SMAD1: variants seen among roughly 807,000 people sequenced by gnomAD.
SMAD1 encodes SMAD family member 1.
SMAD1 carries 6 observed loss-of-function variants against 41.6 expected under a neutral mutation model. That is an observed-to-expected ratio of 0.14 (90% CI 0.08 to 0.28). SMAD1 has a LOEUF of 0.28. Ranked by LOEUF, SMAD1 falls within the 10% of genes least tolerant of loss-of-function variation. The pLI is 1.00. For missense variants in SMAD1, 379 were observed against 582.6 expected (o/e 0.65, Z 3.60); for synonymous variants, 206 against 203.2 (o/e 1.01, Z -0.12).
intron 2 of SMAD1, among the ~76,000 whole-genome samples, chr4:145,524,187 T>C (rs2126457170): frequency 6.6e-6 from 1 of 152,334 alleles, no homozygotes; most frequent in South Asian, 2.1e-4. Context: ...TGGCTTATGG[T>C]TGATAATTTT....
chr4:145,555,208 G>A (rs183702737), intron 6 of SMAD1, among the ~76,000 whole-genome samples: 5 of 152,272 alleles, frequency 3.3e-5, no homozygotes, highest in African/African-American at 1.2e-4. Flanking sequence ...TATATGTTAT[G>A]TACATATGGG....
At position 145,539,968 on chromosome 4, in the gene SMAD1, A is replaced by T. The variant is rs1055612175; in HGVS notation, c.565A>T (p.Asn189Tyr). 1 of 1,613,962 alleles carries T rather than the reference A, an allele frequency of 6.2e-7. No individual in the cohort carries two copies. The highest frequency in any genetic ancestry group is 1.1e-5 in the South Asian group (1 of 91,072). The stretch of plus-strand genomic sequence containing the variant: ...CAGCCACCCGTTTCCTCACTCTCCC[A>T]ATAGCAGTTACCCAAACTCTCCTGG... ...PNSHPFPHSP[N>Y]SSYPNSPGSS... is the part of the protein sequence containing the mutation. Residue 189 changes from asparagine (N) to tyrosine (Y), a missense_variant, in exon 3 of 7, where the codon AAT becomes TAT. Transcript: ENST00000302085.
At chr4:145,513,282 T>A (rs1730190516) in intron 1 of SMAD1, 2 of 152,362 alleles carry the variant, frequency 1.3e-5, no homozygotes, top group Admixed American at 1.3e-4. Flanking sequence ...GGTTCCTCTT[T>A]GATGCCTTTA....
intron 5 of SMAD1, among the ~76,000 whole-genome samples, chr4:145,549,401 C>T (rs1466861384): frequency 6.6e-6 from 1 of 152,092 alleles, no homozygotes; most frequent in African/African-American, 2.4e-5. Flanking sequence ...ATAAAGATAC[C>T]TGTCTACTCA....
chr4:145,533,182 T>TA (rs1256169356), intron 2 of SMAD1, among the ~76,000 whole-genome samples: 4 of 151,720 alleles, frequency 2.6e-5, no homozygotes, highest in Non-Finnish European at 5.9e-5. Context: ...TCTGCCACAT[T>TA]AATACTTCTT....
chr4:145,491,721 G>A (rs1028275589), intron 1 of SMAD1, among the ~76,000 whole-genome samples: 5 of 152,140 alleles, frequency 3.3e-5, no homozygotes, highest in Admixed American at 2.0e-4. Flanking sequence ...CATGGTTTTC[G>A]TCCAGGAGTT....
chr4:145,499,921 A>T (rs547556710), intron 1 of SMAD1, among the ~76,000 whole-genome samples: 1 of 152,156 alleles, frequency 6.6e-6, no homozygotes, highest in Admixed American at 6.5e-5. Context: ...GAAAGATTCC[A>T]TAAAAAAAGA....
intron 1 of SMAD1, among the ~76,000 whole-genome samples, chr4:145,486,229 T>G (rs1351681225): frequency 6.6e-6 from 1 of 152,246 alleles, no homozygotes; most frequent in Non-Finnish European, 1.5e-5. Context: ...CAGCACATAA[T>G]TTGAAGAATA....
At chr4:145,500,433 C>T (rs951317486) in intron 1 of SMAD1, among the ~76,000 whole-genome samples, 1 of 152,138 alleles carries the variant, frequency 6.6e-6, no homozygotes, top group African/African-American at 2.4e-5. Flanking sequence ...ATTCCTTGAA[C>T]ATCTCAGGAT....
chr4:145,520,361 C>T (rs572330718), intron 2 of SMAD1, among the ~76,000 whole-genome samples: 1 of 152,188 alleles, frequency 6.6e-6, no homozygotes, highest in East Asian at 1.9e-4. Context: ...ATTCTTAAAC[C>T]CTTCCACAGA....
Position 145,558,083 on chromosome 4 carries a change from A to C in SMAD1, c.*149A>C, listed in dbSNP as rs28397904. Reference sequence around the variant, plus strand: ...TGTTGGATTCAGAAATTTAAACAAAAAAAAAAAAAAACACACACACCTTGG... The same window carrying C: ...TGTTGGATTCAGAAATTTAAACAAACAAAAAAAAAAACACACACACCTTGG... On this transcript the variant is annotated 3_prime_UTR_variant, in exon 7 of 7. Transcript: ENST00000302085. The C allele has an allele frequency of 0.061, 24,548 of 399,756 alleles. 1,504 individuals are homozygous for C. The highest frequency in any genetic ancestry group is 0.24 in the African/African-American group (10,858 of 45,378). 24.8% of individuals were successfully genotyped at this position (399,756 alleles called of 1,614,324 possible). A position where few individuals can be genotyped will look rare whatever the true frequency, so the allele number is the denominator to read the frequency against.
intron 1 of SMAD1, among the ~76,000 whole-genome samples, chr4:145,496,828 T>A (rs1437206072): frequency 1.3e-5 from 2 of 152,192 alleles, no homozygotes; most frequent in Non-Finnish European, 2.9e-5. Flanking sequence ...TACCACTTTC[T>A]CCCTTTGAAG....
chr4:145,488,781 T>C (rs1728624674), intron 1 of SMAD1, among the ~76,000 whole-genome samples: 2 of 152,254 alleles, frequency 1.3e-5, no homozygotes, highest in Admixed American at 6.5e-5. Flanking sequence ...ATGCTTCATT[T>C]ATTCCCTGAA....
intron 1 of SMAD1, among the ~76,000 whole-genome samples, chr4:145,499,608 A>G (rs1177662413): frequency 6.6e-6 from 1 of 152,158 alleles, no homozygotes; most frequent in Non-Finnish European, 1.5e-5. Flanking sequence ...GAGCAAGACC[A>G]TGTCTCAAGA....
intron 1 of SMAD1, among the ~76,000 whole-genome samples, chr4:145,494,161 C>T (rs942349716): frequency 1.6e-4 from 25 of 152,114 alleles, no homozygotes; most frequent in Non-Finnish European, 2.2e-4. Flanking sequence ...GGGGTTTCAC[C>T]ATGTTGGCCA....
At chr4:145,520,668 T>C (rs1230622504) in intron 2 of SMAD1, among the ~76,000 whole-genome samples, 1 of 152,236 alleles carries the variant, frequency 6.6e-6, no homozygotes, top group Non-Finnish European at 1.5e-5. Context: ...CAAGATGGGA[T>C]AAGTTGTCTT....
chr4:145,499,379 T>A (rs1333591714), intron 1 of SMAD1, among the ~76,000 whole-genome samples: 3 of 152,164 alleles, frequency 2.0e-5, no homozygotes, highest in South Asian at 2.1e-4. Flanking sequence ...TCCCAACCCT[T>A]TGGGAGGCTG....
chr4:145,547,571 A>C (rs970411621), intron 5 of SMAD1, among the ~76,000 whole-genome samples: 3 of 152,234 alleles, frequency 2.0e-5, no homozygotes, highest in Non-Finnish European at 4.4e-5. Context: ...GATTTCAAAT[A>C]AATCCCGAAC....
intron 1 of SMAD1, among the ~76,000 whole-genome samples, chr4:145,490,143 C>T (rs937139005): frequency 2.6e-5 from 4 of 152,140 alleles, no homozygotes; most frequent in Admixed American, 2.0e-4. Context: ...ATAGATGAGA[C>T]CTCTTCATAT....
Sources: gnomAD v4.1 joint callset for allele counts (sites outside exome capture counted in the v4.1 genomes callset) on GRCh38, gnomAD v4.1.1 for gene constraint, MANE v1.5 for transcripts, NCBI Gene and HGNC (gene_info 2026-07-23, HGNC 2026-07-21) for gene names.